ATP9B: variants seen among roughly 807,000 people sequenced by gnomAD.
The protein encoded by ATP9B is probable phospholipid-transporting ATPase IIB.
A neutral mutation model predicts 146.1 loss-of-function variants in ATP9B; 110 were observed. That is an observed-to-expected ratio of 0.75 (90% CI 0.65 to 0.88). ATP9B has a LOEUF of 0.88. ATP9B is among the 40% of genes least tolerant of loss of function. ATP9B has a pLI of 0.00. For synonymous variants in ATP9B, 604 were observed against 569.7 expected, an observed-to-expected ratio of 1.06 and a Z score of -0.86; for missense variants, 1,499 against 1,496.4, an observed-to-expected ratio of 1.00 and a Z score of -0.03.
At chr18:79,291,603 G>T (rs1231050161) in intron 13 of ATP9B, among the ~76,000 whole-genome samples, 1 of 152,194 alleles carries the variant, frequency 6.6e-6, no homozygotes, top group African/African-American at 2.4e-5. Context: ...CATAAGTATT[G>T]CAGTTTCTTT....
At chr18:79,284,998 AT>A (rs2096421018) in intron 13 of ATP9B, among the ~76,000 whole-genome samples, 1 of 151,932 alleles carries the variant, frequency 6.6e-6, no homozygotes, top group Non-Finnish European at 1.5e-5. Context: ...TATGTGCCAC[AT>A]TTTCTTAATC....
intron 2 of ATP9B, among the ~76,000 whole-genome samples, chr18:79,098,254 C>T (rs1229503873): frequency 6.6e-6 from 1 of 151,798 alleles, no homozygotes; most frequent in Non-Finnish European, 1.5e-5. Context: ...AAGATTTAAA[C>T]GTTAGACCTA....
At chr18:79,320,182 C>G (rs1283106669) in intron 15 of ATP9B, among the ~76,000 whole-genome samples, 1 of 152,230 alleles carries the variant, frequency 6.6e-6, no homozygotes, top group African/African-American at 2.4e-5. Flanking sequence ...AGTCGTTGTG[C>G]TTGTTCCTGA....
Position 79,377,490 on chromosome 18 carries a change from C to A in ATP9B, c.*107C>A. Reference sequence around the variant, plus strand: ...TTTGCCATTGCTACCAAGCAAGCACCACAAGAAAGGGAGGGTACGCCAGGC... The same window carrying A: ...TTTGCCATTGCTACCAAGCAAGCACAACAAGAAAGGGAGGGTACGCCAGGC... On this transcript the variant is annotated 3_prime_UTR_variant, in exon 30 of 30. Coordinates refer to ENST00000426216, the MANE Select transcript of ATP9B (RefSeq NM_198531.5). 7.1e-7 allele frequency: 1 copy of A among 1,411,512 alleles called. No individual in the cohort carries two copies. Among genetic ancestry groups the A allele is most frequent in the Non-Finnish European group, 9.6e-7 (1 of 1,042,844 alleles). 87.4% of individuals were successfully genotyped at this position (1,411,512 alleles called of 1,614,324 possible).
At chr18:79,135,949 G>T (rs1461362882) in intron 5 of ATP9B, among the ~76,000 whole-genome samples, 1 of 151,968 alleles carries the variant, frequency 6.6e-6, no homozygotes. Flanking sequence ...TTTATCTCTG[G>T]ACCCTCTTTC....
Position 79,193,230 on chromosome 18 carries a change from GGACATTCACAGTTTCGAAGGCACAT to G in ATP9B, c.922_946del (p.Asp308LeufsTer16). 6.2e-7 allele frequency: 1 copy of G among 1,611,946 alleles called. No homozygotes were observed. The highest frequency in any genetic ancestry group is 8.5e-7 in the Non-Finnish European group (1 of 1,178,228). ...ATGTTTATGCTCAGAAACCACAAAT[GGACATTCACAGTTTCGAAGGCACAT>G]TTACCAGGGTAAGTTAAACCTGTTG... On this transcript the variant is annotated frameshift_variant, in exon 9 of 30. Transcript: ENST00000426216. LOFTEE classifies it high-confidence loss of function.
At chr18:79,168,105 A>G (rs890449987) in intron 7 of ATP9B, among the ~76,000 whole-genome samples, 1 of 152,200 alleles carries the variant, frequency 6.6e-6, no homozygotes, top group African/African-American at 2.4e-5. Context: ...CCCTCATTGC[A>G]GTCTTCGCAG....
At chr18:79,269,283 T>A (rs1161119733) in intron 12 of ATP9B, among the ~76,000 whole-genome samples, 2 of 152,206 alleles carry the variant, frequency 1.3e-5, no homozygotes, top group African/African-American at 4.8e-5. Flanking sequence ...GCTGCTGCAC[T>A]TTCTGCTTTT....
rs760374686 is a variant in ATP9B at position 79,069,445 on chromosome 18, G to T, written c.35G>T (p.Ser12Ile). 6.6e-6 allele frequency: 10 copies of T among 1,517,294 alleles called. No homozygotes were observed. The highest frequency in any genetic ancestry group is 4.3e-5 in the African/African-American group (3 of 69,660). The allele number at this position is 1,517,294 out of a possible 1,614,324, so 94.0% of individuals were successfully genotyped here. A position where few individuals can be genotyped will look rare whatever the true frequency, so the allele number is the denominator to read the frequency against. The change falls in exon 1 of 30, where the codon AGC becomes ATC. Residue 12 changes from serine (S) to isoleucine (I), a missense_variant. Ser to Ile is a moderately radical substitution (Grantham distance 142). Transcript: ENST00000426216. ...CAGATCCCGCTTTACCCGGTGCGTA[G>T]CGCAGCGGCGGCCGCAGCCAACCGC... ...ADQIPLYPVR[S>I]AAAAAANRKR... is the part of the protein sequence containing the mutation.
intron 12 of ATP9B, among the ~76,000 whole-genome samples, chr18:79,268,967 T>A (rs1599433428): frequency 2.0e-5 from 3 of 152,202 alleles, no homozygotes; most frequent in Non-Finnish European, 4.4e-5. Flanking sequence ...TTCCATCTCT[T>A]CCAGCCGCTT....
chr18:79,242,253 C>T (rs1437827560), intron 11 of ATP9B, among the ~76,000 whole-genome samples: 1 of 152,172 alleles, frequency 6.6e-6, no homozygotes, highest in Non-Finnish European at 1.5e-5. Context: ...AATCCTCTTT[C>T]GTAAACTGAT....
intron 7 of ATP9B, 152 bp downstream of exon 7, chr18:79,154,707 GTA>G (rs776051096): frequency 2.1e-4 from 98 of 470,104 alleles, no homozygotes; most frequent in Admixed American, 5.2e-4. Context: ...TACTTTGAAT[GTA>G]AACACATGAA....
intron 13 of ATP9B, among the ~76,000 whole-genome samples, chr18:79,291,600 A>G (rs1332068250): frequency 6.6e-6 from 1 of 152,250 alleles, no homozygotes; most frequent in African/African-American, 2.4e-5. Flanking sequence ...CTGCATAAGT[A>G]TTGCAGTTTC....
rs570316685 is a variant in ATP9B at position 79,287,404 on chromosome 18, G to A, written c.1411+10208G>A. Among the ~76,000 whole-genome samples, 34 of 152,270 alleles carry A rather than the reference G, an allele frequency of 2.2e-4. 1 individual carries two copies. The South Asian group carries it at 5.4e-3, about 24-fold the overall frequency. The stretch of plus-strand genomic sequence containing the variant: ...CTTCTAGATTTTCTAGTTTATTTGC[G>A]TAGAGGTGTTTGTAGTATTCTCTGA... On this transcript the variant is annotated intron_variant, in intron 13 of 29. Transcript: ENST00000426216.
chr18:79,187,575 G>A (rs1028193129), intron 8 of ATP9B, among the ~76,000 whole-genome samples: 1 of 152,214 alleles, frequency 6.6e-6, no homozygotes, highest in African/African-American at 2.4e-5. Context: ...GAAGAAATAT[G>A]GAAGGTGGTC....
At chr18:79,137,330 A>AT in intron 5 of ATP9B, among the ~76,000 whole-genome samples, 1 of 151,992 alleles carries the variant, frequency 6.6e-6, no homozygotes, top group East Asian at 1.9e-4. Context: ...ATGCCTATTA[A>AT]TTTTTTATTG....
intron 1 of ATP9B, among the ~76,000 whole-genome samples, chr18:79,094,634 C>T (rs1476729186): frequency 6.6e-6 from 1 of 152,218 alleles, no homozygotes; most frequent in South Asian, 2.1e-4. Flanking sequence ...TTTGCAAGAG[C>T]CCCCTTTGCT....
intron 13 of ATP9B, among the ~76,000 whole-genome samples, chr18:79,288,435 C>A (rs1358553767): frequency 2.6e-5 from 4 of 152,118 alleles, no homozygotes; most frequent in Non-Finnish European, 4.4e-5. Flanking sequence ...GGGATTGCAA[C>A]CCCTGCCTTT....
intron 7 of ATP9B, among the ~76,000 whole-genome samples, chr18:79,170,131 G>T (rs1249749621): frequency 6.6e-6 from 1 of 152,196 alleles, no homozygotes; most frequent in African/African-American, 2.4e-5. Context: ...GCTGACCTTG[G>T]CTGCCAAGGT....
Sources: allele counts gnomAD v4.1 joint callset (sites outside exome capture counted in the v4.1 genomes callset), GRCh38; gene constraint gnomAD v4.1.1; transcripts MANE v1.5; gene names NCBI Gene and HGNC (gene_info 2026-07-23, HGNC 2026-07-21).